The following DHX9 variants were observed in gnomAD, a reference collection of about 807,000 sequenced individuals.
DHX9 encodes ATP-dependent RNA helicase A.
In DHX9, 27 loss-of-function variants were observed where a neutral mutation model predicts 148.7. The ratio of observed to expected loss-of-function variants is 0.18; its 90% CI spans 0.13 to 0.25. The LOEUF (loss-of-function observed/expected upper bound fraction) is 0.25, where lower values mean the gene tolerates loss of function less well. Among genes scored for constraint, DHX9 ranks in the 10% least tolerant of loss-of-function variants. The pLI, the probability that DHX9 is intolerant of heterozygous loss-of-function variation, is 1.00. For missense variants in DHX9, 796 were observed against 1,559.6 expected, an observed-to-expected ratio of 0.51 and a Z score of 8.25; for synonymous variants, 529 against 516.6, an observed-to-expected ratio of 1.02 and a Z score of -0.33.
Position 182,874,834 on chromosome 1 carries a change from G to T in DHX9, c.1715-20G>T, listed in dbSNP as rs191202625. On this transcript the variant is annotated intron_variant, in intron 15 of 27. Transcript: ENST00000367549. ...TGTGAAAGTTGATAGTACTTAACCT[G>T]ACTGGATTGTCCCTGGCAGAATATT... 6 of 1,580,250 alleles carry T rather than the reference G, an allele frequency of 3.8e-6. No homozygotes were observed. The highest frequency in any genetic ancestry group is 2.2e-5 in the South Asian group (2 of 90,248).
chr1:182,859,141 G>C (rs1179499636), intron 11 of DHX9, 24 bp downstream of exon 11: 1 of 1,597,664 alleles, frequency 6.3e-7, no homozygotes, highest in African/African-American at 1.3e-5. Flanking sequence ...ATTTAGACAA[G>C]TAGTGCTCAG....
chr1:182,868,608 G>A (rs781058662), intron 14 of DHX9, among the ~76,000 whole-genome samples: 26 of 145,704 alleles, frequency 1.8e-4, no homozygotes, highest in Non-Finnish European at 2.4e-4. Flanking sequence ...TCTGCCTCCC[G>A]GGTTTAAGCC....
At chr1:182,866,872 T>C (rs544023780) in intron 13 of DHX9, 89 bp from the exon 14 acceptor site, 155 of 984,162 alleles carry the variant, frequency 1.6e-4, no homozygotes, top group Non-Finnish European at 2.2e-4. Context: ...AAAATGATGC[T>C]GGGGTCTCTT....
chr1:182,842,070 A>G (rs1183996651), intron 1 of DHX9, among the ~76,000 whole-genome samples: 1 of 152,200 alleles, frequency 6.6e-6, no homozygotes, highest in East Asian at 1.9e-4. Context: ...AGTAGTTTGG[A>G]TTTGAATTTA....
chr1:182,861,979 A>C (rs966744838), intron 12 of DHX9, among the ~76,000 whole-genome samples: 4 of 152,252 alleles, frequency 2.6e-5, no homozygotes, highest in African/African-American at 9.6e-5. Flanking sequence ...CAAATTCATC[A>C]GCACCTACCT....
In DHX9 at chr1:182,881,309, A is replaced by G. The variant is rs1365286239; in HGVS notation, c.2670A>G (p.Pro890=). ...ICTIAAATCF[P]EPFINEGKRL... ...CCATTGCTGCTGCTACCTGCTTTCC[A>G]GAGCCTTTCATCAATGAAGGAAAGC... The change falls in exon 23 of 28, where the codon CCA becomes CCG. Residue 890 remains proline (P), a synonymous_variant. Coordinates refer to ENST00000367549, the MANE Select transcript of DHX9 (RefSeq NM_001357.5). 5 of 1,614,030 alleles carry G rather than the reference A, an allele frequency of 3.1e-6. No homozygotes were observed. The highest frequency in any genetic ancestry group is 1.3e-5 in the African/African-American group (1 of 74,918).
chr1:182,861,902 GAA>G, intron 12 of DHX9, among the ~76,000 whole-genome samples: 1 of 152,116 alleles, frequency 6.6e-6, no homozygotes, highest in South Asian at 2.1e-4. Flanking sequence ...TACTTAGTTT[GAA>G]AGTCTCAACT....
intron 3 of DHX9, among the ~76,000 whole-genome samples, chr1:182,844,805 C>T (rs1424743766): frequency 6.6e-5 from 10 of 152,174 alleles, no homozygotes; most frequent in East Asian, 5.8e-4. Flanking sequence ...GTGGGAGCTA[C>T]GGCGCCTGGC....
intron 8 of DHX9, 45 bp from the exon 9 acceptor site, chr1:182,858,506 A>G: frequency 1.3e-6 from 2 of 1,485,178 alleles, no homozygotes; most frequent in African/African-American, 1.4e-5. Flanking sequence ...GCCCCATTAT[A>G]GTAGATTTGA....
At chr1:182,876,983 C>T in intron 19 of DHX9, 80 bp downstream of exon 19, 1 of 984,656 alleles carries the variant, frequency 1.0e-6, no homozygotes, top group Non-Finnish European at 1.6e-6. Context: ...ATCAAAAACA[C>T]CTTATTTTTA....
intron 3 of DHX9, among the ~76,000 whole-genome samples, chr1:182,848,194 C>T (rs1454127318): frequency 2.0e-5 from 3 of 152,222 alleles, no homozygotes; most frequent in Non-Finnish European, 4.4e-5. Flanking sequence ...TCCTAAACTC[C>T]TTCAATGCTT....
chr1:182,852,533 A>G (rs1668173661), intron 4 of DHX9, among the ~76,000 whole-genome samples, 189 bp downstream of exon 4: 1 of 152,246 alleles, frequency 6.6e-6, no homozygotes, highest in South Asian at 2.1e-4. Context: ...GTGGTACAGC[A>G]TAGTTCTTTG....
Position 182,883,598 on chromosome 1 carries a change from G to A in DHX9, c.3223G>A (p.Val1075Ile), listed in dbSNP as rs1307393484. Reference protein sequence around the residue: ...LQLLLFASKKVQSDGQIVLVD... With the variant: ...LQLLLFASKKIQSDGQIVLVD... Reference sequence around the variant, plus strand: ...GTTGCTTCTCTTTGCCTCCAAGAAAGTCCAATCTGATGGGCAGATTGTGCT... The same window carrying A: ...GTTGCTTCTCTTTGCCTCCAAGAAAATCCAATCTGATGGGCAGATTGTGCT... The change falls in exon 26 of 28, where the codon GTC (valine) becomes ATC (isoleucine). Residue 1075 changes from valine to isoleucine, a missense_variant. By Grantham distance (29) the Val-to-Ile change is conservative. This residue lies in a region of DHX9 where 86 missense variants were observed against 156.3 expected (regional missense o/e 0.55). Transcript: ENST00000367549. 1.2e-6 allele frequency: 2 copies of A among 1,613,908 alleles called. No individual in the cohort carries two copies. The highest frequency in any genetic ancestry group is 1.3e-5 in the African/African-American group (1 of 75,034).
At chr1:182,870,522 CGGT>C (rs1367263034) in intron 14 of DHX9, among the ~76,000 whole-genome samples, 1 of 152,020 alleles carries the variant, frequency 6.6e-6, no homozygotes, top group African/African-American at 2.4e-5. Context: ...TGTTAGGAGA[CGGT>C]GGCATGTCAG....
intron 6 of DHX9, 47 bp from the exon 7 acceptor site, chr1:182,856,485 G>A: frequency 6.3e-7 from 1 of 1,577,924 alleles, no homozygotes; most frequent in Non-Finnish European, 8.7e-7. Flanking sequence ...GGATTTGCTG[G>A]TTTCTAACAG....
At position 182,876,693 on chromosome 1, in the gene DHX9, G is replaced by A. The variant is rs1648819292; in HGVS notation, c.2125-137G>A. On this transcript the variant is annotated intron_variant, in intron 18 of 27. Coordinates refer to ENST00000367549, the MANE Select transcript of DHX9 (RefSeq NM_001357.5). ...CTCTTTCTGAGCTTAGTAGATTGTT[G>A]TTCATTAATCAGTTATTGGGTGATC... 7.7e-6 allele frequency: 7 copies of A among 911,724 alleles called. No homozygotes were observed. In the East Asian group the frequency reaches 1.8e-4, roughly 24 times the overall value. 56.5% of individuals were successfully genotyped at this position (911,724 alleles called of 1,614,324 possible). A position where few individuals can be genotyped will look rare whatever the true frequency, so the allele number is the denominator to read the frequency against.
chr1:182,842,728 G>T, intron 2 of DHX9, 51 bp downstream of exon 2: 3 of 1,440,090 alleles, frequency 2.1e-6, no homozygotes, highest in South Asian at 1.3e-5. Context: ...TTCATTTTGG[G>T]GTTAAAAGAA....
At chr1:182,885,798 T>C (rs1649294716) in intron 27 of DHX9, among the ~76,000 whole-genome samples, 1 of 152,190 alleles carries the variant, frequency 6.6e-6, no homozygotes, top group South Asian at 2.1e-4. Context: ...TGCTATTCTG[T>C]GGCCCTCCTA....
At chr1:182,876,728 C>T in intron 18 of DHX9, 102 bp from the exon 19 acceptor site, 5 of 979,394 alleles carry the variant, frequency 5.1e-6, no homozygotes, top group Non-Finnish European at 7.7e-6. Context: ...CTTTTTAGGA[C>T]TTCTGTAATT....
Sources: gnomAD v4.1 joint callset for allele counts (sites outside exome capture counted in the v4.1 genomes callset) on GRCh38, gnomAD v4.1.1 for gene constraint, gnomAD v4.1.1 regional missense constraint, MANE v1.5 for transcripts, NCBI Gene and HGNC (gene_info 2026-07-23, HGNC 2026-07-21) for gene names.